ALDH9A1: variants seen among roughly 807,000 people sequenced by gnomAD.
ALDH9A1 encodes the protein aldehyde dehydrogenase 9 family member A1.
In ALDH9A1, 42 loss-of-function variants were observed where a neutral mutation model predicts 56.6. That is an observed-to-expected ratio of 0.74 (90% CI 0.58 to 0.96). The LOEUF (loss-of-function observed/expected upper bound fraction) is 0.96. Ranked by LOEUF, ALDH9A1 falls within the 40% of genes least tolerant of loss-of-function variation. The pLI, the probability that ALDH9A1 is intolerant of heterozygous loss-of-function variation, is 0.00. For missense variants in ALDH9A1, 661 were observed against 651.5 expected, an observed-to-expected ratio of 1.01 and a Z score of -0.16; for synonymous variants, 242 against 236.0, an observed-to-expected ratio of 1.03 and a Z score of -0.23.
chr1:165,663,655 G>C (rs1053877838), intron 10 of ALDH9A1, among the ~76,000 whole-genome samples: 1 of 152,214 alleles, frequency 6.6e-6, no homozygotes. Context: ...TTACTAGTGG[G>C]TGAGGTTACT....
intron 6 of ALDH9A1, among the ~76,000 whole-genome samples, chr1:165,674,513 C>A (rs1649286042): frequency 6.6e-6 from 1 of 151,328 alleles, no homozygotes; most frequent in African/African-American, 2.4e-5. Flanking sequence ...ATGGAGAAAC[C>A]CCGTCTCTAC....
rs1649462554 is a variant in ALDH9A1, at chr1:165,679,179, C to T, written c.930+263G>A. ...AACTTTATATTTAGAGGTTAGGGGC[C>T]TTATGTCTACAATTTACTCTCAAGG... is the stretch of plus-strand genomic sequence containing the variant. On this transcript the variant is annotated intron_variant, in intron 6 of 10. Transcript: ENST00000354775. Among the ~76,000 whole-genome samples the T allele has an allele frequency of 2.0e-5, 3 of 152,154 alleles. No homozygotes were observed. The South Asian group carries it at 6.2e-4, about 32-fold the overall frequency.
At chr1:165,688,313 T>C (rs1038923649) in intron 2 of ALDH9A1, among the ~76,000 whole-genome samples, 1 of 152,022 alleles carries the variant, frequency 6.6e-6, no homozygotes, top group Non-Finnish European at 1.5e-5. Context: ...CGAGACCTTG[T>C]CTCAAAAAAC....
intron 7 of ALDH9A1, 71 bp downstream of exon 7, chr1:165,669,191 G>A: frequency 1.4e-6 from 2 of 1,444,470 alleles, no homozygotes; most frequent in South Asian, 1.3e-5. Context: ...AACATGAAAA[G>A]GGCACAAAGC....
chr1:165,680,917 A>G (rs1250943497), intron 4 of ALDH9A1, among the ~76,000 whole-genome samples: 1 of 152,218 alleles, frequency 6.6e-6, no homozygotes, highest in Non-Finnish European at 1.5e-5. Flanking sequence ...CCACATGGCT[A>G]GGGAGGCCTC....
rs78198562 is a variant in ALDH9A1, at chr1:165,694,967, A to T, written c.327+285T>A. On this transcript the variant is annotated intron_variant, in intron 2 of 10. Transcript: ENST00000354775. The stretch of plus-strand genomic sequence containing the variant: ...CAAGATTCCGTCTCAAAAAAAAAAA[A>T]AAATAAAAATAAAAAAAGGACGATG... Among the ~76,000 whole-genome samples the T allele has an allele frequency of 4.2e-3, 638 of 152,006 alleles. 5 individuals carry two copies. The highest frequency in any genetic ancestry group is 8.1e-3 in the African/African-American group (336 of 41,488).
chr1:165,671,201 G>C (rs564890861), intron 6 of ALDH9A1: 1 of 187,302 alleles, frequency 5.3e-6, no homozygotes, highest in Non-Finnish European at 1.1e-5. Context: ...TGAAGAAATA[G>C]GTACTCATGC....
chr1:165,667,899 C>T (rs1390565957), intron 8 of ALDH9A1, among the ~76,000 whole-genome samples: 1 of 152,104 alleles, frequency 6.6e-6, no homozygotes, highest in African/African-American at 2.4e-5. Flanking sequence ...GTTCAACCTA[C>T]ATATAATTGT....
intron 3 of ALDH9A1, 89 bp from the exon 4 acceptor site, chr1:165,682,330 T>A: frequency 7.1e-7 from 1 of 1,412,080 alleles, no homozygotes; most frequent in East Asian, 2.3e-5. Context: ...TGTACTCCAG[T>A]CAACGCAGCC....
At chr1:165,665,594 A>G (rs1420480909) in intron 9 of ALDH9A1, among the ~76,000 whole-genome samples, 1 of 152,226 alleles carries the variant, frequency 6.6e-6, no homozygotes, top group Non-Finnish European at 1.5e-5. Context: ...CAAAAGTAAC[A>G]GATAAAAAAA....
chr1:165,666,152 AAT>A (rs1303284445), intron 9 of ALDH9A1, among the ~76,000 whole-genome samples: 6 of 152,220 alleles, frequency 3.9e-5, no homozygotes, highest in Non-Finnish European at 8.8e-5. Flanking sequence ...GTCACAAAAG[AAT>A]ATATACTGTA....
intron 5 of ALDH9A1, 84 bp downstream of exon 5, chr1:165,680,403 A>G: frequency 7.1e-7 from 1 of 1,417,942 alleles, no homozygotes; most frequent in Non-Finnish European, 9.7e-7. Context: ...TCAAAAGAGA[A>G]GCCTCCAAAA....
At position 165,698,535 on chromosome 1, in the gene ALDH9A1, G is replaced by T. The variant is rs900210051; in HGVS notation, c.24C>A (p.Ala8=). Residue 8 remains alanine (A), a synonymous_variant, in exon 1 of 11, where the codon GCC becomes GCA. Coordinates refer to ENST00000354775, the MANE Select transcript of ALDH9A1 (RefSeq NM_000696.4). ...GACTGCGAAGAAGCGGGGAGAGCGC[G>T]GCCAGGCCTGCTCGGAGAAACATGA... is the stretch of plus-strand genomic sequence containing the variant. The part of the protein sequence containing the change: MFLRAGL[A]ALSPLLRSLR... 4.4e-6 allele frequency: 7 copies of T among 1,609,062 alleles called. No individual in the cohort carries two copies. Among genetic ancestry groups the T allele is most frequent in the African/African-American group, 4.1e-5 (3 of 74,030 alleles).
intron 8 of ALDH9A1, among the ~76,000 whole-genome samples, chr1:165,667,841 A>C (rs1571165817): frequency 6.6e-6 from 1 of 152,156 alleles, no homozygotes; most frequent in African/African-American, 2.4e-5. Context: ...AGGGGCAAAA[A>C]CCAGCTTAAT....
chr1:165,669,470 C>A lies in ALDH9A1; in HGVS notation c.931-20G>T. ...GCAAACCTAAAGGACAAACACAAGACATCAATTTCTATGTGTGTAAGGAGA... is the reference window on the plus strand; with the variant it reads ...GCAAACCTAAAGGACAAACACAAGAAATCAATTTCTATGTGTGTAAGGAGA... On this transcript the variant is annotated intron_variant, in intron 6 of 10. Transcript: ENST00000354775. 1 of 1,582,580 alleles carries A rather than the reference C, an allele frequency of 6.3e-7. No individual in the cohort carries two copies. Among genetic ancestry groups the A allele is most frequent in the South Asian group, 1.2e-5 (1 of 85,538 alleles).
intron 5 of ALDH9A1, 121 bp downstream of exon 5, chr1:165,680,366 C>A: frequency 9.5e-7 from 1 of 1,054,118 alleles, no homozygotes; most frequent in Non-Finnish European, 1.4e-6. Context: ...AAATCTCCTT[C>A]CCATTCCCAA....
intron 8 of ALDH9A1, among the ~76,000 whole-genome samples, chr1:165,668,320 T>C (rs996605053): frequency 6.6e-6 from 1 of 152,154 alleles, no homozygotes; most frequent in Non-Finnish European, 1.5e-5. Context: ...GTCCTCCCCA[T>C]GGTAATGAGT....
At chr1:165,687,922 A>G (rs1649762527) in intron 2 of ALDH9A1, among the ~76,000 whole-genome samples, 2 of 151,966 alleles carry the variant, frequency 1.3e-5, no homozygotes, top group Admixed American at 1.3e-4. Context: ...CGGGAGGCGG[A>G]GGTTGCAGTG....
intron 2 of ALDH9A1, among the ~76,000 whole-genome samples, chr1:165,693,242 G>T (rs1443419115): frequency 6.6e-6 from 1 of 152,166 alleles, no homozygotes; most frequent in Non-Finnish European, 1.5e-5. Flanking sequence ...AAGAGCTTCT[G>T]CACAGCAAAA....
Sources: allele counts gnomAD v4.1 joint callset (sites outside exome capture counted in the v4.1 genomes callset), GRCh38; gene constraint gnomAD v4.1.1; transcripts MANE v1.5; gene names NCBI Gene and HGNC (gene_info 2026-07-23, HGNC 2026-07-21).